The following FAM13A variants were observed in gnomAD, a reference collection of about 807,000 sequenced individuals.
FAM13A encodes protein FAM13A.
Under a neutral mutation model 129.6 loss-of-function variants are expected in FAM13A, and 76 were observed. The observed-to-expected ratio is 0.59, with a 90% confidence interval of 0.49 to 0.71. The LOEUF (loss-of-function observed/expected upper bound fraction) is 0.71, where lower values mean the gene tolerates loss of function less well. Ranked by LOEUF, FAM13A falls within the 30% of genes least tolerant of loss-of-function variation. The pLI is 0.00. For missense variants in FAM13A, 1,108 were observed against 1,249.3 expected (o/e 0.89, Z 1.70); for synonymous variants, 443 against 449.9 (o/e 0.98, Z 0.20).
chr4:88,843,301 A>G (rs1397871414), intron 7 of FAM13A, among the ~76,000 whole-genome samples: 1 of 152,220 alleles, frequency 6.6e-6, no homozygotes, highest in East Asian at 1.9e-4. Context: ...CCTCATTCAT[A>G]TGGGTGCTAC....
At chr4:88,754,748 TAGAA>T (rs1743295575) in intron 14 of FAM13A, among the ~76,000 whole-genome samples, 2 of 152,314 alleles carry the variant, frequency 1.3e-5, no homozygotes, top group African/African-American at 4.8e-5. Context: ...CCAACAGAGT[TAGAA>T]AGAACCAGAG....
At position 88,829,454 on chromosome 4, in the gene FAM13A, T is replaced by C. The variant is rs1226564396; in HGVS notation, c.1007+21566A>G. Among the ~76,000 whole-genome samples the C allele has an allele frequency of 2.6e-5, 4 of 152,146 alleles. No homozygotes were observed. In the South Asian group the frequency reaches 8.3e-4, roughly 32 times the overall value. Reference sequence around the variant, plus strand: ...TCTCAGGCAAGAGTTCTTCCTCATATTCTTGTCAATCTTTGTAAAACACAC... The same window carrying C: ...TCTCAGGCAAGAGTTCTTCCTCATACTCTTGTCAATCTTTGTAAAACACAC... On this transcript the variant is annotated intron_variant, in intron 7 of 23. Transcript: ENST00000264344.
chr4:88,763,867 T>C (rs1745254414), intron 13 of FAM13A, among the ~76,000 whole-genome samples: 1 of 152,218 alleles, frequency 6.6e-6, no homozygotes, highest in Non-Finnish European at 1.5e-5. Flanking sequence ...TCAAAATCCA[T>C]GTGAACTCCA....
intron 1 of FAM13A, among the ~76,000 whole-genome samples, chr4:89,032,087 A>T (rs551142690): frequency 1.5e-3 from 228 of 151,812 alleles, no homozygotes; most frequent in African/African-American, 5.0e-3. Flanking sequence ...AAAATAAATT[A>T]AAAAAAATTA....
intron 4 of FAM13A, among the ~76,000 whole-genome samples, chr4:88,987,849 A>C (rs867697284): frequency 6.6e-6 from 1 of 150,454 alleles, no homozygotes; most frequent in Non-Finnish European, 1.5e-5. Context: ...AAAAAAAAAA[A>C]AAAAAACTTA....
At chr4:88,819,201 T>C (rs1561078111) in intron 7 of FAM13A, among the ~76,000 whole-genome samples, 2 of 152,190 alleles carry the variant, frequency 1.3e-5, no homozygotes, top group South Asian at 2.1e-4. Flanking sequence ...ATAGACATGA[T>C]TGATTTCAGC....
At chr4:88,889,579 T>A (rs1417734152) in intron 6 of FAM13A, among the ~76,000 whole-genome samples, 1 of 152,228 alleles carries the variant, frequency 6.6e-6, no homozygotes. Flanking sequence ...CCTCTTCCTG[T>A]GCTCACTGGA....
chr4:88,823,391 C>A, intron 7 of FAM13A: 1 of 938,954 alleles, frequency 1.1e-6, no homozygotes. Flanking sequence ...CCTCCTCCTC[C>A]TTCTCTCCTC....
intron 4 of FAM13A, among the ~76,000 whole-genome samples, chr4:88,954,753 G>C (rs1451258094): frequency 6.6e-6 from 1 of 152,034 alleles, no homozygotes; most frequent in African/African-American, 2.4e-5. Flanking sequence ...AGGTATGGTG[G>C]TGCGCGCCTA....
intron 3 of FAM13A, among the ~76,000 whole-genome samples, chr4:89,000,338 C>T (rs971594730): frequency 2.0e-5 from 3 of 152,038 alleles, no homozygotes; most frequent in Non-Finnish European, 4.4e-5. Flanking sequence ...AGAATATTAA[C>T]CAGCCATAGG....
At chr4:88,799,120 T>C (rs1726873883) in intron 8 of FAM13A, among the ~76,000 whole-genome samples, 1 of 152,198 alleles carries the variant, frequency 6.6e-6, no homozygotes, top group African/African-American at 2.4e-5. Context: ...TAATGACTGG[T>C]GATTCTCAGA....
chr4:88,814,879 C>G (rs1730408021), intron 7 of FAM13A, among the ~76,000 whole-genome samples: 1 of 151,986 alleles, frequency 6.6e-6, no homozygotes. Flanking sequence ...GGGTCTTAAT[C>G]TGTCATCTAG....
rs74895413 is a variant in FAM13A, at chr4:88,777,259, T to C, written c.1458+3906A>G. Among the ~76,000 whole-genome samples, 1,249 of 152,310 alleles carry C rather than the reference T, an allele frequency of 8.2e-3. 10 individuals carry two copies. The highest frequency in any genetic ancestry group is 0.029 in the African/African-American group (1,206 of 41,558). On this transcript the variant is annotated intron_variant, in intron 11 of 23. Transcript: ENST00000264344. ...GAATTTCCAAAGATACTTTTCACCTTAGAGGTTAGTTTTAGAATTTAGGAA... is the reference window on the plus strand; with the variant it reads ...GAATTTCCAAAGATACTTTTCACCTCAGAGGTTAGTTTTAGAATTTAGGAA...
chr4:88,945,990 G>GTGTGTGTGTGTGTGTATATA, intron 4 of FAM13A, among the ~76,000 whole-genome samples: 3 of 61,950 alleles, frequency 4.8e-5, no homozygotes, highest in African/African-American at 8.6e-5. Context: ...GTGTGTGTGT[G>GTGTGTGTGTGTGTGTATATA]TATATATATA....
At chr4:89,048,240 GATCT>G (rs1771112099) in intron 1 of FAM13A, among the ~76,000 whole-genome samples, 1 of 151,836 alleles carries the variant, frequency 6.6e-6, no homozygotes, top group African/African-American at 2.4e-5. Flanking sequence ...ACAACCCAAG[GATCT>G]ATCAGTGAAT....
rs115221640 is a variant in FAM13A at position 88,977,181 on chromosome 4, C to T, written c.605+13792G>A. Among the ~76,000 whole-genome samples the T allele has an allele frequency of 6.5e-3, 994 of 152,166 alleles. 17 individuals are homozygous for T. The highest frequency in any genetic ancestry group is 0.023 in the African/African-American group (950 of 41,516). On this transcript the variant is annotated intron_variant, in intron 4 of 23. Coordinates refer to ENST00000264344, the MANE Select transcript of FAM13A (RefSeq NM_014883.4). ...AAAATAGAACAATTACAACAATATG[C>T]CATCATGACTACTCTTGCATTTGGG...
intron 4 of FAM13A, 74 bp downstream of exon 4, chr4:88,990,899 T>C: frequency 8.9e-7 from 1 of 1,129,834 alleles, no homozygotes; most frequent in Non-Finnish European, 1.3e-6. Context: ...TGCTTCTACA[T>C]CCCAGTAATT....
Position 88,937,813 on chromosome 4 carries a change from G to A in FAM13A, c.759+275C>T, listed in dbSNP as rs776405996. 82 of 474,398 alleles carry A rather than the reference G, an allele frequency of 1.7e-4. No individual in the cohort carries two copies. In the Middle Eastern group the frequency reaches 2.8e-3, roughly 16 times the overall value. 29.4% of individuals were successfully genotyped at this position (474,398 alleles called of 1,614,324 possible). A position where few individuals can be genotyped will look rare whatever the true frequency, so the allele number is the denominator to read the frequency against. The stretch of plus-strand genomic sequence containing the variant: ...CAGGCTTCTGTAGTAAAGGTGGTGC[G>A]GCCAGTTGATCAGAGCACTGGGCTC... On this transcript the variant is annotated intron_variant, in intron 5 of 23. Transcript: ENST00000264344.
At chr4:89,019,099 G>T (rs1484494058) in intron 3 of FAM13A, among the ~76,000 whole-genome samples, 1 of 152,174 alleles carries the variant, frequency 6.6e-6, no homozygotes, top group African/African-American at 2.4e-5. Context: ...CCTTCCCTAG[G>T]GGATGGCAAG....
Sources: gnomAD v4.1 joint callset for allele counts (sites outside exome capture counted in the v4.1 genomes callset) on GRCh38, gnomAD v4.1.1 for gene constraint, MANE v1.5 for transcripts, NCBI Gene and HGNC (gene_info 2026-07-23, HGNC 2026-07-21) for gene names.